MYOM1: variants seen among roughly 807,000 people sequenced by gnomAD.
The protein encoded by MYOM1 is myomesin-1.
A neutral mutation model predicts 205.3 loss-of-function variants in MYOM1; 164 were observed. The observed-to-expected ratio is 0.80, with a 90% CI of 0.70 to 0.91. The LOEUF (loss-of-function observed/expected upper bound fraction) is 0.91. MYOM1 is among the 40% of genes least tolerant of loss of function. The pLI is 0.00. For synonymous variants in MYOM1, 772 were observed against 789.4 expected, an observed-to-expected ratio of 0.98 and a Z score of 0.37; for missense variants, 2,011 against 2,127.3, an observed-to-expected ratio of 0.95 and a Z score of 1.08.
the MYOM1 span, among the ~76,000 whole-genome samples, chr18:3,233,737 A>C: frequency 4.6e-5 from 7 of 152,362 alleles, no homozygotes; most frequent in African/African-American, 1.7e-4. Flanking sequence ...GGAAAGAAGA[A>C]CTCAATCAAA....
rs543789670 is a variant in MYOM1, at chr18:3,150,567, A to G, written c.1843+1127T>C. Among the ~76,000 whole-genome samples the G allele has an allele frequency of 3.5e-4, 53 of 151,908 alleles. 1 individual carries two copies. In the Middle Eastern group the frequency reaches 0.01, roughly 29 times the overall value. ...CTCAGCCTCCTGCAATGAACAGAACACCCCTAGCCACCTCCCACAACAACA... is the reference window on the plus strand; with the variant it reads ...CTCAGCCTCCTGCAATGAACAGAACGCCCCTAGCCACCTCCCACAACAACA... On this transcript the variant is annotated intron_variant, in intron 12 of 37. Coordinates refer to ENST00000356443, the MANE Select transcript of MYOM1 (RefSeq NM_003803.4).
intron 23 of MYOM1, among the ~76,000 whole-genome samples, chr18:3,101,323 T>C (rs2079372371): frequency 6.6e-6 from 1 of 152,220 alleles, no homozygotes; most frequent in African/African-American, 2.4e-5. Flanking sequence ...ATCAATCCAA[T>C]GTGGTTGACA....
intron 13 of MYOM1, among the ~76,000 whole-genome samples, chr18:3,143,314 G>A (rs928807722): frequency 6.6e-6 from 1 of 152,008 alleles, no homozygotes; most frequent in African/African-American, 2.4e-5. Flanking sequence ...TAAAATAGAG[G>A]ATTTTTTTTA....
At chr18:3,196,627 G>A (rs940627844) in intron 2 of MYOM1, among the ~76,000 whole-genome samples, 1 of 152,202 alleles carries the variant, frequency 6.6e-6, no homozygotes, top group Non-Finnish European at 1.5e-5. Flanking sequence ...CTATGAGCCT[G>A]TAACTGTATC....
intron 36 of MYOM1, among the ~76,000 whole-genome samples, chr18:3,072,356 T>G (rs1474525427): frequency 4.4e-5 from 5 of 113,330 alleles, no homozygotes; most frequent in Admixed American, 4.0e-4. Context: ...CCGGCTTTTT[T>G]TTTTTTTTTT....
chr18:3,104,580 C>T (rs1402309048), intron 22 of MYOM1, among the ~76,000 whole-genome samples: 2 of 152,030 alleles, frequency 1.3e-5, no homozygotes, highest in African/African-American at 2.4e-5. Flanking sequence ...ATTTAATCAG[C>T]CTCGCCATTC....
At chr18:3,112,062 G>A (rs889721465) in intron 22 of MYOM1, among the ~76,000 whole-genome samples, 1 of 152,140 alleles carries the variant, frequency 6.6e-6, no homozygotes, top group Admixed American at 6.5e-5. Context: ...GAACTTCCGG[G>A]TTTTTAGGTA....
chr18:3,195,204 C>T lies in MYOM1; in HGVS notation c.291-1246G>A, dbSNP rs369637623. 4.0e-4 allele frequency among the ~76,000 whole-genome samples: 61 copies of T among 152,340 alleles called. No individual in the cohort carries two copies. The South Asian group carries it at 0.011, about 27-fold the overall frequency. Reference sequence around the variant, plus strand: ...GGACTTTGACATGCAGGGCAGGCAGCGGCCCCTTGAATCCTCCAGGGAGGT... The same window carrying T: ...GGACTTTGACATGCAGGGCAGGCAGTGGCCCCTTGAATCCTCCAGGGAGGT... On this transcript the variant is annotated intron_variant, in intron 2 of 37. Coordinates refer to ENST00000356443, the MANE Select transcript of MYOM1 (RefSeq NM_003803.4).
Position 3,129,313 on chromosome 18 carries a change from C to A in MYOM1, c.2713G>T (p.Glu905Ter), listed in dbSNP as rs2079840976. The A allele has an allele frequency of 1.2e-6, 2 of 1,613,964 alleles. No homozygotes were observed. Among genetic ancestry groups the A allele is most frequent in the Non-Finnish European group, 1.7e-6 (2 of 1,179,874 alleles). Residue 905 changes from glutamate to a stop codon, truncating the protein, a stop_gained, in exon 18 of 38, where the codon GAA (glutamate) becomes TAA (stop). Coordinates refer to ENST00000356443, the MANE Select transcript of MYOM1 (RefSeq NM_003803.4). LOFTEE classifies it high-confidence loss of function. ...EVSKVSETVQ[E>*]ELTPPPQKAA... is the part of the protein sequence containing the mutation. ...TTCTGTGGTGGCGGGGTAAGCTCTTCCTGAACTGTTTCACTTACTTTACTC... is the reference window on the plus strand; with the variant it reads ...TTCTGTGGTGGCGGGGTAAGCTCTTACTGAACTGTTTCACTTACTTTACTC...
At chr18:3,185,819 T>C in intron 5 of MYOM1, among the ~76,000 whole-genome samples, 1 of 152,212 alleles carries the variant, frequency 6.6e-6, no homozygotes, top group East Asian at 1.9e-4. Flanking sequence ...AGAGTTTACA[T>C]ACATAGAAAA....
chr18:3,163,924 C>T (rs2080432315), intron 10 of MYOM1, among the ~76,000 whole-genome samples: 1 of 151,910 alleles, frequency 6.6e-6, no homozygotes, highest in Admixed American at 6.6e-5. Flanking sequence ...GCAATCACAG[C>T]TCACTGCAGC....
At position 3,068,763 on chromosome 18, in the gene MYOM1, C is replaced by T. The variant is rs563740098; in HGVS notation, c.4765-1208G>A. ...TAGAATGTCATACTATGTTTATGCC[C>T]GTAAGGGTCATCTGAGCTTTTTCCA... On this transcript the variant is annotated intron_variant, in intron 37 of 37. Coordinates refer to ENST00000356443, the MANE Select transcript of MYOM1 (RefSeq NM_003803.4). Among the ~76,000 whole-genome samples, 3 of 152,154 alleles carry T rather than the reference C, an allele frequency of 2.0e-5. 1 individual carries two copies. Among genetic ancestry groups the T allele is most frequent in the Middle Eastern group, 6.8e-3 (2 of 294 alleles).
Position 3,116,511 on chromosome 18 carries a change from T to A in MYOM1, c.3123A>T (p.Pro1041=), listed in dbSNP as rs767735829. Residue 1041 remains proline, a synonymous_variant, in exon 21 of 38, where the codon CCA becomes CCT. Transcript: ENST00000356443. ...CTTCACTACACTTGAGACTGTGCGG[T>A]GGTCCTGAGAGAGAGAGAAGCCAAT... ...CEEWTIAVPG[P]PHSLKCSEVR... The A allele has an allele frequency of 6.5e-7, 1 of 1,543,160 alleles. No homozygotes were observed. Among genetic ancestry groups the A allele is most frequent in the Non-Finnish European group, 8.8e-7 (1 of 1,141,688 alleles).
chr18:3,207,251 T>C (rs550848702), intron 2 of MYOM1, among the ~76,000 whole-genome samples: 1 of 152,378 alleles, frequency 6.6e-6, no homozygotes, highest in South Asian at 2.1e-4. Flanking sequence ...TTCTTGTCTA[T>C]ATACATCCTT....
intron 22 of MYOM1, among the ~76,000 whole-genome samples, chr18:3,108,790 T>C (rs1412216425): frequency 6.6e-6 from 1 of 151,932 alleles, no homozygotes; most frequent in African/African-American, 2.4e-5. Context: ...CCGCCTGTCT[T>C]GGCCTCCCAA....
chr18:3,213,025 G>A (rs189617364), intron 2 of MYOM1, among the ~76,000 whole-genome samples: 1 of 152,262 alleles, frequency 6.6e-6, no homozygotes. Flanking sequence ...ATACACTCCA[G>A]GTAAACCCCA....
At chr18:3,082,055 C>T (rs1253716770) in intron 33 of MYOM1, among the ~76,000 whole-genome samples, 1 of 152,170 alleles carries the variant, frequency 6.6e-6, no homozygotes, top group Non-Finnish European at 1.5e-5. Context: ...TTATAAGGAG[C>T]GCACAACCTA....
Position 3,067,270 on chromosome 18 carries a change from C to T in MYOM1, c.5050G>A (p.Ala1684Thr). Reference protein sequence around the residue: ...ALESLKGGKKAK With the variant: ...ALESLKGGKKTK ...TCTCCTCGCACCTCCGGTCACTTGG[C>T]CTTCTTGCCACCTTTCAGGGACTCC... Residue 1684 changes from alanine to threonine, a missense_variant, in exon 38 of 38, where the codon GCC becomes ACC. Ala to Thr is a moderately conservative substitution (Grantham distance 58). Coordinates refer to ENST00000356443, the MANE Select transcript of MYOM1 (RefSeq NM_003803.4). 1 of 1,599,514 alleles carries T rather than the reference C, an allele frequency of 6.3e-7. No individual in the cohort carries two copies. Among genetic ancestry groups the T allele is most frequent in the Non-Finnish European group, 8.5e-7 (1 of 1,173,706 alleles).
chr18:3,120,460 T>A (rs140069060), intron 19 of MYOM1, among the ~76,000 whole-genome samples: 1 of 151,716 alleles, frequency 6.6e-6, no homozygotes, highest in Non-Finnish European at 1.5e-5. Flanking sequence ...CATCTAGGAG[T>A]GGAAGCCTCA....
Sources: gnomAD v4.1 joint callset for allele counts (sites outside exome capture counted in the v4.1 genomes callset) on GRCh38, gnomAD v4.1.1 for gene constraint, MANE v1.5 for transcripts, NCBI Gene and HGNC (gene_info 2026-07-23, HGNC 2026-07-21) for gene names.